The following FGGY variants were observed in gnomAD, a reference collection of about 807,000 sequenced individuals.
The protein encoded by FGGY is FGGY carbohydrate kinase domain containing.
In FGGY, 72 loss-of-function variants were observed where a neutral mutation model predicts 71.3. The observed-to-expected ratio is 1.01, with a 90% confidence interval of 0.84 to 1.23. The LOEUF is 1.23. FGGY is among the 50% of genes most tolerant of loss of function. The probability of loss-of-function intolerance (pLI) is 0.00; values close to 1 mark genes in which losing one functional copy is unlikely to be tolerated. For synonymous variants in FGGY, 251 were observed against 250.3 expected (o/e 1.00, Z -0.02); for missense variants, 668 against 682.3 (o/e 0.98, Z 0.23).
chr1:59,616,282 A>G (rs1277438559), intron 9 of FGGY, among the ~76,000 whole-genome samples: 2 of 152,258 alleles, frequency 1.3e-5, no homozygotes, highest in African/African-American at 2.4e-5. Flanking sequence ...TGGCACATAT[A>G]CACCATGGAA....
intron 4 of FGGY, among the ~76,000 whole-genome samples, chr1:59,376,824 G>C (rs924663557): frequency 2.0e-5 from 3 of 152,176 alleles, no homozygotes; most frequent in African/African-American, 7.2e-5. Context: ...GACATGGAAA[G>C]TTATCTGGAT....
intron 8 of FGGY, among the ~76,000 whole-genome samples, chr1:59,557,319 G>A (rs2095706286): frequency 6.6e-6 from 1 of 152,178 alleles, no homozygotes; most frequent in Non-Finnish European, 1.5e-5. Flanking sequence ...GCTTACTTCT[G>A]ATGTTTCCAA....
intron 6 of FGGY, among the ~76,000 whole-genome samples, chr1:59,482,890 CTG>C (rs2093540277): frequency 1.3e-5 from 2 of 152,100 alleles, no homozygotes; most frequent in Admixed American, 6.6e-5. Context: ...ATTTTCTACT[CTG>C]TGAACTGAGG....
At chr1:59,747,556 A>G (rs2098210811) in intron 14 of FGGY, among the ~76,000 whole-genome samples, 1 of 152,218 alleles carries the variant, frequency 6.6e-6, no homozygotes, top group African/African-American at 2.4e-5. Context: ...ATGTGCACAA[A>G]ACCAACAGAT....
At chr1:59,502,203 G>A (rs1001721468) in intron 6 of FGGY, among the ~76,000 whole-genome samples, 3 of 152,196 alleles carry the variant, frequency 2.0e-5, no homozygotes, top group Non-Finnish European at 4.4e-5. Context: ...ACTCCCAAGT[G>A]CTATGCTAAA....
intron 4 of FGGY, among the ~76,000 whole-genome samples, chr1:59,349,453 G>C (rs2052798905): frequency 6.6e-6 from 1 of 152,128 alleles, no homozygotes; most frequent in Non-Finnish European, 1.5e-5. Flanking sequence ...GCCAGCTCCA[G>C]CCTATATCCC....
At chr1:59,598,921 T>C (rs1189009844) in intron 8 of FGGY, among the ~76,000 whole-genome samples, 1 of 152,226 alleles carries the variant, frequency 6.6e-6, no homozygotes, top group Non-Finnish European at 1.5e-5. Flanking sequence ...GATGTATTTG[T>C]AGAGATGTAC....
At chr1:59,737,220 C>G (rs1360415432) in intron 14 of FGGY, among the ~76,000 whole-genome samples, 1 of 152,240 alleles carries the variant, frequency 6.6e-6, no homozygotes, top group Non-Finnish European at 1.5e-5. Flanking sequence ...GGACAGGGTC[C>G]TCTTGGAGAA....
intron 7 of FGGY, among the ~76,000 whole-genome samples, chr1:59,532,667 T>A (rs1329307549): frequency 6.6e-6 from 1 of 152,132 alleles, no homozygotes; most frequent in Non-Finnish European, 1.5e-5. Flanking sequence ...TTATTTTGAT[T>A]AAGGATATCA....
chr1:59,512,546 G>C, intron 7 of FGGY, 107 bp downstream of exon 7: 1 of 1,234,820 alleles, frequency 8.1e-7, no homozygotes, highest in Non-Finnish European at 1.1e-6. Flanking sequence ...AAGGACTTTG[G>C]TGTTTCAGGA....
intron 11 of FGGY, among the ~76,000 whole-genome samples, chr1:59,654,019 A>C (rs573613258): frequency 1.8e-4 from 28 of 152,312 alleles, no homozygotes; most frequent in Non-Finnish European, 4.4e-5. Context: ...CTATCTGCCC[A>C]GTTCCTTTAA....
At chr1:59,452,649 A>T (rs2091298733) in intron 5 of FGGY, among the ~76,000 whole-genome samples, 1 of 152,208 alleles carries the variant, frequency 6.6e-6, no homozygotes, top group Non-Finnish European at 1.5e-5. Context: ...ATAGGTTTTT[A>T]GTATCTATTC....
chr1:59,691,039 A>G (rs1012545725), intron 14 of FGGY, among the ~76,000 whole-genome samples: 8 of 152,214 alleles, frequency 5.3e-5, no homozygotes, highest in African/African-American at 9.7e-5. Context: ...TGAAAGAATC[A>G]GATTCTGGTT....
At chr1:59,727,407 C>T (rs1353054559) in intron 14 of FGGY, among the ~76,000 whole-genome samples, 1 of 152,102 alleles carries the variant, frequency 6.6e-6, no homozygotes, top group Non-Finnish European at 1.5e-5. Context: ...GATGTATACC[C>T]AGTAATGGGA....
chr1:59,470,796 A>G (rs2092902964), intron 6 of FGGY, among the ~76,000 whole-genome samples: 1 of 152,192 alleles, frequency 6.6e-6, no homozygotes, highest in Non-Finnish European at 1.5e-5. Flanking sequence ...AAAAGTGGAC[A>G]TGTTTACAAG....
intron 8 of FGGY, among the ~76,000 whole-genome samples, chr1:59,572,250 T>C (rs928877547): frequency 2.0e-5 from 3 of 152,068 alleles, no homozygotes; most frequent in African/African-American, 7.2e-5. Flanking sequence ...TTTGATTAGG[T>C]AACTAAGCAG....
chr1:59,346,225 A>T, intron 3 of FGGY, 22 bp from the exon 4 acceptor site: 7 of 1,612,192 alleles, frequency 4.3e-6, no homozygotes, highest in Non-Finnish European at 5.1e-6. Flanking sequence ...GTCCATCTGC[A>T]TCTCCCTCTC....
intron 7 of FGGY, among the ~76,000 whole-genome samples, chr1:59,513,851 G>A (rs887775420): frequency 6.6e-6 from 1 of 152,182 alleles, no homozygotes; most frequent in Non-Finnish European, 1.5e-5. Context: ...ATGGTGCCTT[G>A]TTCTACATAC....
intron 8 of FGGY, among the ~76,000 whole-genome samples, chr1:59,570,815 T>C (rs978029180): frequency 4.6e-5 from 7 of 152,186 alleles, no homozygotes; most frequent in Admixed American, 2.0e-4. Context: ...AGATGAAAGA[T>C]GATGATGCCA....
Sources: gnomAD v4.1 joint callset for allele counts (sites outside exome capture counted in the v4.1 genomes callset) on GRCh38, gnomAD v4.1.1 for gene constraint, MANE v1.5 for transcripts, NCBI Gene and HGNC (gene_info 2026-07-23, HGNC 2026-07-21) for gene names.